DRGX: variants seen among roughly 807,000 people sequenced by gnomAD.
DRGX encodes the protein dorsal root ganglia homeobox.
DRGX carries 21 observed loss-of-function variants against 28.6 expected under a neutral mutation model. That is an observed-to-expected ratio of 0.73 (90% CI 0.52 to 1.06). The LOEUF (loss-of-function observed/expected upper bound fraction) is 1.06. DRGX is among the 50% of genes least tolerant of loss of function. The probability of loss-of-function intolerance (pLI) is 0.00; values close to 1 mark genes in which losing one functional copy is unlikely to be tolerated. For synonymous variants in DRGX, 136 were observed against 139.1 expected (o/e 0.98, Z 0.16); for missense variants, 354 against 343.9 (o/e 1.03, Z -0.23).
At chr10:49,380,201 G>A (rs1590365643) in intron 6 of DRGX, among the ~76,000 whole-genome samples, 1 of 152,340 alleles carries the variant, frequency 6.6e-6, no homozygotes. Flanking sequence ...CGTGCAGTGA[G>A]TTATGAAAGC....
intron 2 of DRGX, chr10:49,391,851 A>G (rs1346059514): frequency 1.9e-6 from 1 of 525,684 alleles, no homozygotes; most frequent in African/African-American, 1.9e-5. Flanking sequence ...GTCACAGCTC[A>G]TCAGCACCAT....
chr10:49,369,307 C>T (rs1849630351), intron 6 of DRGX, among the ~76,000 whole-genome samples: 1 of 152,188 alleles, frequency 6.6e-6, no homozygotes, highest in Non-Finnish European at 1.5e-5. Flanking sequence ...TCACCCCCTA[C>T]ACACATACTC....
rs72792859 is a variant in DRGX, at chr10:49,382,433, A to G, written c.526+4045T>C. Among the ~76,000 whole-genome samples the G allele has an allele frequency of 4.9e-3, 740 of 152,232 alleles. 4 individuals carry two copies. Among genetic ancestry groups the G allele is most frequent in the Non-Finnish European group, 8.0e-3 (544 of 68,006 alleles). ...CAGGGTTCAGGCCTGAGAAAAGGAG[A>G]ACTAGTTCAGCCAACAGCTGTGCCC... On this transcript the variant is annotated intron_variant, in intron 6 of 6. Transcript: ENST00000374139.
intron 6 of DRGX, 119 bp from the exon 7 acceptor site, chr10:49,366,500 T>C (rs1849603085): frequency 7.2e-7 from 1 of 1,394,730 alleles, no homozygotes; most frequent in Non-Finnish European, 9.6e-7. Flanking sequence ...TGGTGCCAGA[T>C]ACTAAAGGGA....
intron 6 of DRGX, among the ~76,000 whole-genome samples, chr10:49,382,202 G>C (rs766110503): frequency 6.6e-6 from 1 of 152,224 alleles, no homozygotes; most frequent in Non-Finnish European, 1.5e-5. Context: ...GTAGTGCCAG[G>C]CAGGGAGGGA....
At position 49,364,145 on chromosome 10, in the gene DRGX, T is replaced by G. The variant is rs562976337; in HGVS notation, c.*1971A>C. The G allele has an allele frequency of 3.0e-4, 45 of 152,352 alleles. No homozygotes were observed. Among genetic ancestry groups the G allele is most frequent in the African/African-American group, 1.1e-3 (45 of 41,582 alleles). The allele number at this position is 152,352 out of a possible 1,614,324, so 9.4% of individuals were successfully genotyped here. A position where few individuals can be genotyped will look rare whatever the true frequency, so the allele number is the denominator to read the frequency against. On this transcript the variant is annotated 3_prime_UTR_variant, in exon 7 of 7. Coordinates refer to ENST00000374139, the MANE Select transcript of DRGX (RefSeq NM_001276451.2). ...CATGCATCATTACTTTTTGCCTTTG[T>G]ACAACAAAACAAAGTACTCAATATC...
intron 6 of DRGX, among the ~76,000 whole-genome samples, chr10:49,373,443 T>C (rs190047887): frequency 4.6e-5 from 7 of 152,322 alleles, no homozygotes; most frequent in African/African-American, 9.6e-5. Flanking sequence ...TGAATGGTGA[T>C]GTCCCCCCAC....
chr10:49,383,235 A>G (rs1998592), intron 6 of DRGX, among the ~76,000 whole-genome samples: 4,778 of 152,302 alleles, frequency 0.031, 197 homozygotes, highest in African/African-American at 0.092. Context: ...TACTGACCAC[A>G]CTACCGTGAG....
intron 4 of DRGX, among the ~76,000 whole-genome samples, chr10:49,389,384 CA>C (rs2132485072): frequency 6.6e-6 from 1 of 152,204 alleles, no homozygotes; most frequent in African/African-American, 2.4e-5. Flanking sequence ...TAAAAAAGAA[CA>C]GAAACAGCAT....
chr10:49,366,471 C>G, intron 6 of DRGX, 90 bp from the exon 7 acceptor site: 5 of 1,495,450 alleles, frequency 3.3e-6, no homozygotes, highest in Non-Finnish European at 4.5e-6. Context: ...TTCTGAAGGA[C>G]AGAAAGATTG....
Position 49,386,583 on chromosome 10 carries a change from G to T in DRGX, c.421C>A (p.Arg141=), listed in dbSNP as rs770890291. 3 of 1,592,880 alleles carry T rather than the reference G, an allele frequency of 1.9e-6. No individual in the cohort carries two copies. Among genetic ancestry groups the T allele is most frequent in the African/African-American group, 1.3e-5 (1 of 74,410 alleles). ...EALEAQQSLG[R]TVGPAGPFFP... ...AAAGGCCCTGCAGGACCTACCGTTC[G>T]CCCCAGGCTGGCAAAGGAAGGAGAT... Residue 141 remains arginine (R), a synonymous_variant, in exon 6 of 7, where the codon CGA becomes AGA. Transcript: ENST00000374139.
At chr10:49,386,377 G>T in intron 6 of DRGX, 101 bp downstream of exon 6, 1 of 1,034,356 alleles carries the variant, frequency 9.7e-7, no homozygotes, top group Non-Finnish European at 1.4e-6. Flanking sequence ...AGCTGCACAG[G>T]CCCAGGTGCA....
At chr10:49,391,848 C>T (rs770221028) in intron 2 of DRGX, 1 of 525,542 alleles carries the variant, frequency 1.9e-6, no homozygotes, top group African/African-American at 1.9e-5. Flanking sequence ...TTGGTCACAG[C>T]TCATCAGCAC....
chr10:49,386,936 C>A, intron 4 of DRGX, 78 bp from the exon 5 acceptor site: 2 of 1,460,704 alleles, frequency 1.4e-6, no homozygotes, highest in Admixed American at 4.9e-5. Flanking sequence ...CCAGTGCTGG[C>A]ACTCACAGCT....
At chr10:49,395,597 G>C (rs887581725) in intron 1 of DRGX, 76 bp from the exon 2 acceptor site, 2 of 854,586 alleles carry the variant, frequency 2.3e-6, no homozygotes, top group Admixed American at 2.2e-5. Flanking sequence ...CGCACCCGGC[G>C]CTCCCCTCCT....
chr10:49,395,231 C>T (rs1017629845), intron 2 of DRGX, among the ~76,000 whole-genome samples, 176 bp downstream of exon 2: 1 of 152,048 alleles, frequency 6.6e-6, no homozygotes. Flanking sequence ...GGGCGGGGAG[C>T]TGGAGCGGGC....
At chr10:49,372,960 A>G (rs1055357929) in intron 6 of DRGX, among the ~76,000 whole-genome samples, 1 of 152,222 alleles carries the variant, frequency 6.6e-6, no homozygotes, top group African/African-American at 2.4e-5. Context: ...AGGGAGTAGC[A>G]GAGTATTGTT....
intron 2 of DRGX, 141 bp downstream of exon 2, chr10:49,395,266 C>T: frequency 9.9e-7 from 1 of 1,007,690 alleles, no homozygotes. Flanking sequence ...AGGGAGGGGT[C>T]CAGGGAGGCC....
At chr10:49,385,359 T>C (rs1849820792) in intron 6 of DRGX, among the ~76,000 whole-genome samples, 1 of 152,148 alleles carries the variant, frequency 6.6e-6, no homozygotes, top group South Asian at 2.1e-4. Context: ...GATCCTGGCA[T>C]CCAGGGCCAT....
Sources: gnomAD v4.1 joint callset for allele counts (sites outside exome capture counted in the v4.1 genomes callset) on GRCh38, gnomAD v4.1.1 for gene constraint, MANE v1.5 for transcripts, NCBI Gene and HGNC (gene_info 2026-07-23, HGNC 2026-07-21) for gene names.